GALNT11: variants seen among roughly 807,000 people sequenced by gnomAD.
GALNT11 encodes polypeptide N-acetylgalactosaminyltransferase 11.
GALNT11 carries 47 observed loss-of-function variants against 72.7 expected under a neutral mutation model. The ratio of observed to expected loss-of-function variants is 0.65; its 90% CI spans 0.51 to 0.82. The LOEUF (loss-of-function observed/expected upper bound fraction) is 0.82, where lower values mean the gene tolerates loss of function less well. GALNT11 is among the 40% of genes least tolerant of loss of function. The pLI is 0.00. For missense variants in GALNT11, 677 were observed against 778.4 expected, an observed-to-expected ratio of 0.87 and a Z score of 1.55; for synonymous variants, 270 against 286.6, an observed-to-expected ratio of 0.94 and a Z score of 0.58.
At position 152,037,026 on chromosome 7, in the gene GALNT11, G is replaced by A. The variant is rs531217679; in HGVS notation, c.-39+11142G>A. Among the ~76,000 whole-genome samples the A allele has an allele frequency of 2.0e-5, 3 of 152,062 alleles. No homozygotes were observed. In the South Asian group the frequency reaches 6.2e-4, roughly 31 times the overall value. ...GATAGTTTGCAAATACTTTCTCCTG[G>A]TCTCTAGGTTTCTCTTCACTTTGTT... On this transcript the variant is annotated intron_variant, in intron 1 of 11. Coordinates refer to ENST00000430044, the MANE Select transcript of GALNT11 (RefSeq NM_022087.4).
At chr7:152,037,408 T>TTCATTGGTCTGTGTG in intron 1 of GALNT11, among the ~76,000 whole-genome samples, 1 of 152,188 alleles carries the variant, frequency 6.6e-6, no homozygotes, top group Non-Finnish European at 1.5e-5. Context: ...TCCATTCTGT[T>TTCATTGGTCTGTGTG]TCATTGGTCT....
chr7:152,055,537 G>A (rs1186801274), intron 1 of GALNT11, among the ~76,000 whole-genome samples: 2 of 146,916 alleles, frequency 1.4e-5, no homozygotes. Context: ...GTGTGTGTGT[G>A]TGTGTGTGTG....
chr7:152,027,235 C>T (rs972931936), intron 1 of GALNT11, among the ~76,000 whole-genome samples: 6 of 152,076 alleles, frequency 3.9e-5, no homozygotes, highest in African/African-American at 1.4e-4. Context: ...GGTGACAGAG[C>T]GAGACTCCAT....
intron 1 of GALNT11, among the ~76,000 whole-genome samples, chr7:152,039,740 A>G (rs1038700968): frequency 1.3e-5 from 2 of 152,136 alleles, no homozygotes; most frequent in Admixed American, 1.3e-4. Flanking sequence ...TGGTATCCAA[A>G]TCGGCTGTTG....
At chr7:152,115,373 G>T (rs565854547) in intron 8 of GALNT11, among the ~76,000 whole-genome samples, 4 of 152,252 alleles carry the variant, frequency 2.6e-5, no homozygotes, top group Admixed American at 2.6e-4. Context: ...GAAGACAAAG[G>T]CCAGCTGCAT....
At chr7:152,076,155 CTGCTTTTCAGAAAAAGCAGTG>C (rs1446126214) in intron 1 of GALNT11, among the ~76,000 whole-genome samples, 1 of 147,362 alleles carries the variant, frequency 6.8e-6, no homozygotes, top group Non-Finnish European at 1.5e-5. Context: ...AGATATGTTA[CTGCTTTTCAGAAAAAGCAGTG>C]TGCTTTTTTC....
At chr7:152,051,850 CT>C (rs1157552496) in intron 1 of GALNT11, among the ~76,000 whole-genome samples, 2 of 152,172 alleles carry the variant, frequency 1.3e-5, no homozygotes. Flanking sequence ...AATTTCTTTG[CT>C]GTTCCTTGTA....
intron 1 of GALNT11, among the ~76,000 whole-genome samples, chr7:152,042,813 C>T (rs1048981529): frequency 4.6e-5 from 7 of 152,276 alleles, no homozygotes; most frequent in South Asian, 2.1e-4. Context: ...GGTTGTCCAT[C>T]GGGCCCTTCA....
chr7:152,042,619 C>T (rs915375691), intron 1 of GALNT11, among the ~76,000 whole-genome samples: 3 of 152,158 alleles, frequency 2.0e-5, no homozygotes, highest in African/African-American at 7.2e-5. Flanking sequence ...GAAGCGGTTC[C>T]TTCAAACCTT....
intron 1 of GALNT11, among the ~76,000 whole-genome samples, chr7:152,068,582 C>A (rs1397989581): frequency 1.3e-5 from 2 of 152,054 alleles, no homozygotes; most frequent in Non-Finnish European, 2.9e-5. Context: ...TCTTTATTAT[C>A]CTTTTACTGT....
At chr7:152,057,675 T>G (rs2083764168) in intron 1 of GALNT11, among the ~76,000 whole-genome samples, 2 of 152,160 alleles carry the variant, frequency 1.3e-5, no homozygotes, top group South Asian at 2.1e-4. Flanking sequence ...AAATAAACTT[T>G]TAGTTTTAGC....
At chr7:152,049,096 T>C (rs2083275329) in intron 1 of GALNT11, among the ~76,000 whole-genome samples, 1 of 150,724 alleles carries the variant, frequency 6.6e-6, no homozygotes, top group Non-Finnish European at 1.5e-5. Flanking sequence ...AAAGGTTACA[T>C]ATCTAGCTCT....
chr7:152,093,153 C>T (rs1209724209), intron 1 of GALNT11, among the ~76,000 whole-genome samples: 2 of 151,088 alleles, frequency 1.3e-5, no homozygotes, highest in East Asian at 3.9e-4. Flanking sequence ...CACTTGAACT[C>T]GGGAGGCAGA....
At chr7:152,120,663 G>T in intron 10 of GALNT11, 168 bp from the exon 11 acceptor site, 1 of 609,362 alleles carries the variant, frequency 1.6e-6, no homozygotes, top group Non-Finnish European at 2.9e-6. Context: ...TCCTGCCTTA[G>T]CTATCTGAAG....
At chr7:152,065,893 C>A (rs768462887) in intron 1 of GALNT11, among the ~76,000 whole-genome samples, 1 of 152,216 alleles carries the variant, frequency 6.6e-6, no homozygotes, top group Non-Finnish European at 1.5e-5. Context: ...GGGTCAGGGA[C>A]TCACTTGAGG....
intron 8 of GALNT11, among the ~76,000 whole-genome samples, chr7:152,114,083 T>C (rs562900755): frequency 2.0e-5 from 3 of 151,970 alleles, no homozygotes; most frequent in African/African-American, 7.2e-5. Context: ...CTTTTACTCA[T>C]TGGACTTCGT....
intron 1 of GALNT11, among the ~76,000 whole-genome samples, chr7:152,057,979 T>G (rs1224094203): frequency 6.6e-6 from 1 of 152,180 alleles, no homozygotes; most frequent in Admixed American, 6.5e-5. Context: ...TCGTTTTTGA[T>G]GACCCTGACA....
intron 11 of GALNT11, among the ~76,000 whole-genome samples, chr7:152,121,299 G>T (rs542995337): frequency 1.1e-4 from 16 of 152,352 alleles, no homozygotes; most frequent in Admixed American, 5.2e-4. Flanking sequence ...GCGGATCGCC[G>T]TAGCCCAACA....
At chr7:152,075,721 G>A (rs1220141803) in intron 1 of GALNT11, among the ~76,000 whole-genome samples, 2 of 151,970 alleles carry the variant, frequency 1.3e-5, no homozygotes, top group African/African-American at 4.8e-5. Context: ...GCTTGAACCC[G>A]GGAGGCGGAG....
Sources: allele counts gnomAD v4.1 joint callset (sites outside exome capture counted in the v4.1 genomes callset), GRCh38; gene constraint gnomAD v4.1.1; transcripts MANE v1.5; gene names NCBI Gene and HGNC (gene_info 2026-07-23, HGNC 2026-07-21).